LRRC47: variants seen among roughly 807,000 people sequenced by gnomAD.
LRRC47 encodes the protein leucine rich repeat containing 47.
Under a neutral mutation model 40.9 loss-of-function variants are expected in LRRC47, and 31 were observed. The observed-to-expected ratio is 0.76, with a 90% CI of 0.57 to 1.02. LRRC47 has a LOEUF of 1.02. Among genes scored for constraint, LRRC47 ranks in the 50% least tolerant of loss-of-function variants. The pLI is 0.00. For synonymous variants in LRRC47, 427 were observed against 371.9 expected (o/e 1.15, Z -1.70); for missense variants, 726 against 796.1 (o/e 0.91, Z 1.06).
At position 3,785,132 on chromosome 1, in the gene LRRC47, G is replaced by A; in HGVS notation, c.1149C>T (p.Val383=). The change falls in exon 3 of 7, where the codon GTC becomes GTT. Residue 383 remains valine (V), a synonymous_variant. Transcript: ENST00000378251. ...GGGCGCAGTACAGCAGGGGCCCTTT[G>A]ACGGCACGGAGCTCGTGGGTGGCAA... The part of the protein sequence containing the change: ...ATLATHELRA[V]KGPLLYCARP... The A allele has an allele frequency of 6.2e-7, 1 of 1,601,180 alleles. No homozygotes were observed. Among genetic ancestry groups the A allele is most frequent in the South Asian group, 1.1e-5 (1 of 89,972 alleles).
At chr1:3,786,402 A>G (rs1643573660) in intron 2 of LRRC47, among the ~76,000 whole-genome samples, 1 of 152,146 alleles carries the variant, frequency 6.6e-6, no homozygotes, top group Non-Finnish European at 1.5e-5. Flanking sequence ...CAGCAGGCTG[A>G]GGCAGGAGAA....
chr1:3,780,916 C>G lies in LRRC47; in HGVS notation c.*172G>C. ...GCTTGAACCCAGGAGACACAGGCTG[C>G]AGTGACTCGAGATCACGCCACTGCA... On this transcript the variant is annotated 3_prime_UTR_variant, in exon 7 of 7. Transcript: ENST00000378251. 1 of 928,514 alleles carries G rather than the reference C, an allele frequency of 1.1e-6. No individual in the cohort carries two copies. The highest frequency in any genetic ancestry group is 1.7e-5 in the South Asian group (1 of 58,018). The allele number at this position is 928,514 out of a possible 1,614,324, so 57.5% of individuals were successfully genotyped here.
chr1:3,785,434 A>G (rs1445396630), intron 2 of LRRC47: 9 of 245,954 alleles, frequency 3.7e-5, no homozygotes. Flanking sequence ...TTAACCTATC[A>G]ATCAGCAGAC....
At chr1:3,795,265 G>A (rs986877299) in intron 1 of LRRC47, among the ~76,000 whole-genome samples, 2 of 152,092 alleles carry the variant, frequency 1.3e-5, no homozygotes, top group South Asian at 4.1e-4. Flanking sequence ...ATTATCGCGG[G>A]GCCTGGGGAT....
Position 3,796,148 on chromosome 1 carries a change from G to C in LRRC47, c.329C>G (p.Ala110Gly). Residue 110 changes from alanine (A) to glycine (G), a missense_variant, in exon 1 of 7, where the codon GCG becomes GGG. Transcript: ENST00000378251. Reference protein sequence around the residue: ...ALRVLDLSGNALEALPPGQGL... With the variant: ...ALRVLDLSGNGLEALPPGQGL... Reference sequence around the variant, plus strand: ...TTGGCCCGGCGGCAGCGCCTCCAGCGCGTTGCCCGACAGGTCGAGCACCCG... The same window carrying C: ...TTGGCCCGGCGGCAGCGCCTCCAGCCCGTTGCCCGACAGGTCGAGCACCCG... 7.0e-7 allele frequency: 1 copy of C among 1,437,992 alleles called. No individual in the cohort carries two copies. The highest frequency in any genetic ancestry group is 1.5e-5 in the African/African-American group (1 of 66,800). The allele number at this position is 1,437,992 out of a possible 1,614,324, so 89.1% of individuals were successfully genotyped here.
chr1:3,786,793 C>T lies in LRRC47; in HGVS notation c.1077+56G>A, dbSNP rs1460898536. On this transcript the variant is annotated intron_variant, in intron 2 of 6. Coordinates refer to ENST00000378251, the MANE Select transcript of LRRC47 (RefSeq NM_020710.3). ...ACGCTGGCCTCAGGATGTGTCCCAGCTTGCGGCGTCTCACACCTCTGTCCC... is the reference window on the plus strand; with the variant it reads ...ACGCTGGCCTCAGGATGTGTCCCAGTTTGCGGCGTCTCACACCTCTGTCCC... The T allele has an allele frequency of 2.7e-6, 4 of 1,473,004 alleles. No homozygotes were observed. In the African/African-American group the frequency reaches 5.6e-5, roughly 21 times the overall value. 91.2% of individuals were successfully genotyped at this position (1,473,004 alleles called of 1,614,324 possible). A position where few individuals can be genotyped will look rare whatever the true frequency, so the allele number is the denominator to read the frequency against.
At position 3,785,624 on chromosome 1, in the gene LRRC47, C is replaced by T. The variant is rs115362349; in HGVS notation, c.1078-421G>A. On this transcript the variant is annotated intron_variant, in intron 2 of 6. Coordinates refer to ENST00000378251, the MANE Select transcript of LRRC47 (RefSeq NM_020710.3). The stretch of plus-strand genomic sequence containing the variant: ...TCACTCTCGGCCCGCCATGCTCTGT[C>T]GCTGCCACTGCGGGGCGCACGAGAC... 7.7e-3 allele frequency: 1,169 copies of T among 152,532 alleles called. 11 individuals are homozygous for T. Among genetic ancestry groups the T allele is most frequent in the African/African-American group, 0.024 (1,000 of 41,606 alleles). The allele number at this position is 152,532 out of a possible 1,614,324, so 9.4% of individuals were successfully genotyped here. A position where few individuals can be genotyped will look rare whatever the true frequency, so the allele number is the denominator to read the frequency against.
intron 1 of LRRC47, 88 bp downstream of exon 1, chr1:3,795,774 A>C: frequency 7.2e-7 from 1 of 1,397,098 alleles, no homozygotes. Context: ...AGGGGGCGTC[A>C]CTAGGAACTG....
In LRRC47 at chr1:3,779,854, C is replaced by T. The variant is rs1371475069; in HGVS notation, c.*1234G>A. ...GGTGAGGTGCTGCCACTGCCTTCAG[C>T]CTACAGGCTGCTTGCCTGAAGGGGT... On this transcript the variant is annotated 3_prime_UTR_variant, in exon 7 of 7. Transcript: ENST00000378251. The T allele has an allele frequency of 2.6e-5, 4 of 152,178 alleles. No individual in the cohort carries two copies. Among genetic ancestry groups the T allele is most frequent in the Admixed American group, 1.3e-4 (2 of 15,274 alleles). The allele number at this position is 152,178 out of a possible 1,614,324, so 9.4% of individuals were successfully genotyped here.
In LRRC47 at chr1:3,796,094, A is replaced by AGGCCCGGC; in HGVS notation, c.375_382dup (p.Leu128ArgfsTer41). 6.8e-7 allele frequency: 1 copy of AGGCCCGGC among 1,480,982 alleles called. No individual in the cohort carries two copies. Among genetic ancestry groups the AGGCCCGGC allele is most frequent in the Non-Finnish European group, 8.9e-7 (1 of 1,123,558 alleles). 91.7% of individuals were successfully genotyped at this position (1,480,982 alleles called of 1,614,324 possible). On this transcript the variant is annotated frameshift_variant, in exon 1 of 7. Transcript: ENST00000378251. LOFTEE classifies it high-confidence loss of function. ...GAGGTTGAGGCTCTGCAGCTGCGGAAGGCCCGGCGGCTCGGCGGGGCCCAG... is the reference window on the plus strand; with the variant it reads ...GAGGTTGAGGCTCTGCAGCTGCGGAAGGCCCGGCGGCCCGGCGGCTCGGCGGGGCCCAG...
intron 1 of LRRC47, among the ~76,000 whole-genome samples, chr1:3,790,421 C>G (rs1418304149): frequency 6.6e-6 from 1 of 152,232 alleles, no homozygotes; most frequent in Non-Finnish European, 1.5e-5. Flanking sequence ...CACCGTCCTG[C>G]CCACATCAGC....
intron 1 of LRRC47, among the ~76,000 whole-genome samples, chr1:3,792,287 TAGAG>T (rs750773245): frequency 2.1e-4 from 32 of 152,104 alleles, no homozygotes; most frequent in Admixed American, 1.6e-3. Context: ...GGTCTCCTGA[TAGAG>T]AGCCACTGGA....
In LRRC47 at chr1:3,781,029, T is replaced by C; in HGVS notation, c.*59A>G. ...TGAAAATCTAACGGATAATTCAGCA[T>C]TGCCGCATAGAAACCTCCGCAAAAC... On this transcript the variant is annotated 3_prime_UTR_variant, in exon 7 of 7. Coordinates refer to ENST00000378251, the MANE Select transcript of LRRC47 (RefSeq NM_020710.3). 1.9e-6 allele frequency: 3 copies of C among 1,576,526 alleles called. No individual in the cohort carries two copies. The highest frequency in any genetic ancestry group is 2.6e-6 in the Non-Finnish European group (3 of 1,160,754).
At chr1:3,782,570 C>G in intron 5 of LRRC47, 91 bp downstream of exon 5, 1 of 790,222 alleles carries the variant, frequency 1.3e-6, no homozygotes. Flanking sequence ...CTGGGATTAC[C>G]GGTGTTGAGC....
At chr1:3,787,888 T>G (rs12142183) in intron 1 of LRRC47, among the ~76,000 whole-genome samples, 1,897 of 152,356 alleles carry the variant, frequency 0.012, 22 homozygotes, top group Middle Eastern at 0.044. Flanking sequence ...GAAAGCCGAC[T>G]TCAACGGCGA....
chr1:3,796,144 C>A lies in LRRC47; in HGVS notation c.333G>T (p.Leu111=). Residue 111 remains leucine (L), a synonymous_variant, in exon 1 of 7, where the codon CTG becomes CTT. Transcript: ENST00000378251. Reference sequence around the variant, plus strand: ...GGCCTTGGCCCGGCGGCAGCGCCTCCAGCGCGTTGCCCGACAGGTCGAGCA... The same window carrying A: ...GGCCTTGGCCCGGCGGCAGCGCCTCAAGCGCGTTGCCCGACAGGTCGAGCA... ...LRVLDLSGNA[L]EALPPGQGLG... is the part of the protein sequence containing the mutation. 7.0e-7 allele frequency: 1 copy of A among 1,436,544 alleles called. No individual in the cohort carries two copies. The highest frequency in any genetic ancestry group is 1.4e-5 in the South Asian group (1 of 72,192). 89.0% of individuals were successfully genotyped at this position (1,436,544 alleles called of 1,614,324 possible). A position where few individuals can be genotyped will look rare whatever the true frequency, so the allele number is the denominator to read the frequency against.
chr1:3,790,986 A>C (rs1643621647), intron 1 of LRRC47, among the ~76,000 whole-genome samples: 2 of 152,230 alleles, frequency 1.3e-5, no homozygotes, highest in South Asian at 4.1e-4. Context: ...AACGCAGGAA[A>C]GTGGCAGGAA....
chr1:3,788,844 G>A (rs1037346813), intron 1 of LRRC47, among the ~76,000 whole-genome samples: 6 of 152,166 alleles, frequency 3.9e-5, no homozygotes, highest in Non-Finnish European at 8.8e-5. Context: ...AAGGGCTCGC[G>A]TGCCCTCTGG....
chr1:3,779,866 T>C lies in LRRC47; in HGVS notation c.*1222A>G, dbSNP rs1643501945. ...CCACTGCCTTCAGCCTACAGGCTGC[T>C]TGCCTGAAGGGGTCTCCACATCTCC... On this transcript the variant is annotated 3_prime_UTR_variant, in exon 7 of 7. Transcript: ENST00000378251. 1 of 152,168 alleles carries C rather than the reference T, an allele frequency of 6.6e-6. No individual in the cohort carries two copies. Among genetic ancestry groups the C allele is most frequent in the Non-Finnish European group, 1.5e-5 (1 of 68,056 alleles). The allele number at this position is 152,168 out of a possible 1,614,324, so 9.4% of individuals were successfully genotyped here. A position where few individuals can be genotyped will look rare whatever the true frequency, so the allele number is the denominator to read the frequency against.
Sources: allele counts gnomAD v4.1 joint callset (sites outside exome capture counted in the v4.1 genomes callset), GRCh38; gene constraint gnomAD v4.1.1; transcripts MANE v1.5; gene names NCBI Gene and HGNC (gene_info 2026-07-23, HGNC 2026-07-21).